Variants in SRP72 observed in about 807,000 individuals in gnomAD.
SRP72 encodes signal recognition particle subunit SRP72.
A neutral mutation model predicts 96.3 loss-of-function variants in SRP72; 49 were observed. The ratio of observed to expected loss-of-function variants is 0.51; its 90% CI spans 0.40 to 0.65. The LOEUF is 0.65. SRP72 is among the 30% of genes least tolerant of loss of function. The pLI is 0.00. For missense variants in SRP72, 736 were observed against 793.3 expected (o/e 0.93, Z 0.87); for synonymous variants, 267 against 275.2 (o/e 0.97, Z 0.30).
At position 56,472,245 on chromosome 4, in the gene SRP72, G is replaced by C. The variant is rs570327137; in HGVS notation, c.354+402G>C. Among the ~76,000 whole-genome samples the C allele has an allele frequency of 1.3e-4, 20 of 151,870 alleles. 2 individuals carry two copies. The South Asian group carries it at 4.2e-3, about 32-fold the overall frequency. ...CATGAAATTGTGAAAATATTTTAAA[G>C]TATTTTGAGACATAAAATTAACCCT... On this transcript the variant is annotated intron_variant, in intron 3 of 18. Coordinates refer to ENST00000642900, the MANE Select transcript of SRP72 (RefSeq NM_006947.4).
chr4:56,473,947 A>G, intron 3 of SRP72, 107 bp from the exon 4 acceptor site: 1 of 1,064,156 alleles, frequency 9.4e-7, no homozygotes, highest in Non-Finnish European at 1.3e-6. Flanking sequence ...TGTTCATGTT[A>G]TGCTGAACTA....
At chr4:56,475,410 A>ATATATG (rs1442484355) in intron 5 of SRP72, among the ~76,000 whole-genome samples, 1 of 151,504 alleles carries the variant, frequency 6.6e-6, no homozygotes, top group African/African-American at 2.4e-5. Context: ...AAAAATATAT[A>ATATATG]TGTGGCCGAG....
intron 9 of SRP72, among the ~76,000 whole-genome samples, chr4:56,483,634 A>G (rs1442150075): frequency 1.3e-5 from 2 of 151,572 alleles, no homozygotes; most frequent in South Asian, 2.1e-4. Flanking sequence ...GTGCCACTTC[A>G]CTCCAGCCTG....
intron 2 of SRP72, among the ~76,000 whole-genome samples, chr4:56,470,566 G>T (rs1051141509): frequency 1.3e-4 from 20 of 151,976 alleles, no homozygotes; most frequent in African/African-American, 4.6e-4. Context: ...TTTGTAGGAG[G>T]TAATAGGAAC....
chr4:56,483,549 C>T (rs145675090), intron 9 of SRP72, among the ~76,000 whole-genome samples: 59 of 152,024 alleles, frequency 3.9e-4, no homozygotes, highest in African/African-American at 1.4e-3. Flanking sequence ...CCTGTCTCTA[C>T]ATGGTGGTGT....
At chr4:56,496,568 A>G (rs996934551) in intron 17 of SRP72, among the ~76,000 whole-genome samples, 3 of 152,080 alleles carry the variant, frequency 2.0e-5, no homozygotes, top group African/African-American at 4.8e-5. Flanking sequence ...TTTCTTTTCT[A>G]TTTTTATAGT....
Position 56,469,742 on chromosome 4 carries a change from GTCA to G in SRP72, c.203_205del (p.Ile68del). On this transcript the variant is annotated inframe_deletion, in exon 2 of 19. Coordinates refer to ENST00000642900, the MANE Select transcript of SRP72 (RefSeq NM_006947.4). ...TGGAAGTTTCAAGGAAGCTTTGAAT[GTCA>G]TCAATACTCACACCAAAGTGTTAGC... is the stretch of plus-strand genomic sequence containing the variant. 1 of 1,612,584 alleles carries G rather than the reference GTCA, an allele frequency of 6.2e-7. No individual in the cohort carries two copies. The highest frequency in any genetic ancestry group is 8.5e-7 in the Non-Finnish European group (1 of 1,178,918).
chr4:56,474,561 T>C, intron 5 of SRP72, 170 bp downstream of exon 5: 1 of 651,762 alleles, frequency 1.5e-6, no homozygotes, highest in Non-Finnish European at 2.6e-6. Flanking sequence ...TTTTATGGAG[T>C]GGGACAGAAT....
chr4:56,473,970 A>T, intron 3 of SRP72, 84 bp from the exon 4 acceptor site: 1 of 1,372,026 alleles, frequency 7.3e-7, no homozygotes, highest in Non-Finnish European at 9.9e-7. Context: ...ATTCCTACTT[A>T]GTGGTTCCAA....
intron 9 of SRP72, 90 bp downstream of exon 9, chr4:56,483,360 TTTTG>T (rs1337081347): frequency 1.4e-5 from 19 of 1,337,800 alleles, no homozygotes; most frequent in Non-Finnish European, 1.9e-5. Context: ...TTTTTATAGT[TTTTG>T]TTTGTATTTT....
chr4:56,475,326 G>A (rs1360155080), intron 5 of SRP72, among the ~76,000 whole-genome samples: 1 of 152,124 alleles, frequency 6.6e-6, no homozygotes, highest in Admixed American at 6.5e-5. Context: ...GGGAGGCCAA[G>A]GCAGGAGGAT....
chr4:56,495,287 A>G (rs1404124390), intron 16 of SRP72, 70 bp from the exon 17 acceptor site: 1 of 1,074,082 alleles, frequency 9.3e-7, no homozygotes, highest in East Asian at 2.6e-5. Flanking sequence ...TAACTCTTAT[A>G]GAGCACTTAC....
At chr4:56,472,060 C>G (rs1361377378) in intron 3 of SRP72, among the ~76,000 whole-genome samples, 1 of 152,034 alleles carries the variant, frequency 6.6e-6, no homozygotes, top group African/African-American at 2.4e-5. Flanking sequence ...CTCAGGTAAT[C>G]AGAAAATCAA....
chr4:56,496,795 C>G (rs1721083969), intron 17 of SRP72, among the ~76,000 whole-genome samples: 1 of 152,166 alleles, frequency 6.6e-6, no homozygotes, highest in African/African-American at 2.4e-5. Context: ...CGAGACCAGC[C>G]TGGCCAACCT....
chr4:56,491,981 C>T (rs959780139), intron 16 of SRP72, among the ~76,000 whole-genome samples: 1 of 152,150 alleles, frequency 6.6e-6, no homozygotes, highest in African/African-American at 2.4e-5. Context: ...CCTCAGCCTC[C>T]CGAGTAGCTG....
At chr4:56,470,246 G>T (rs973427194) in intron 2 of SRP72, among the ~76,000 whole-genome samples, 2 of 152,154 alleles carry the variant, frequency 1.3e-5, no homozygotes, top group South Asian at 4.1e-4. Context: ...ATATGCATTT[G>T]CCTGTATTTG....
At position 56,500,584 on chromosome 4, in the gene SRP72, G is replaced by A; in HGVS notation, c.1727G>A (p.Arg576Lys). The A allele has an allele frequency of 6.2e-7, 1 of 1,613,942 alleles. No individual in the cohort carries two copies. The highest frequency in any genetic ancestry group is 8.5e-7 in the Non-Finnish European group (1 of 1,179,910). ...YDPKVTPDPE[R>K]WLPMRERSYY... is the part of the protein sequence containing the mutation. ...CCAAAAGTTACCCCAGATCCAGAAA[G>A]ATGGCTGCCAATGCGAGAACGTTCT... Residue 576 changes from arginine to lysine, a missense_variant, in exon 18 of 19, where the codon AGA (arginine) becomes AAA (lysine). By Grantham distance (26) the Arg-to-Lys change is conservative. Around this residue, in one of 3 missense-constraint regions of SRP72, gnomAD observed 388 missense variants for 431.8 expected, o/e 0.90. Transcript: ENST00000642900.
At position 56,476,687 on chromosome 4, in the gene SRP72, A is replaced by G. The variant is rs1272342777; in HGVS notation, c.627A>G (p.Ser209=). ...LQKAEDLCRR[S]LSEDTDGTEE... Reference sequence around the variant, plus strand: ...CTCCTGTAGATCTTTGCCGCCGTTCATTATCAGAAGACACTGTAAGTATTC... The same window carrying G: ...CTCCTGTAGATCTTTGCCGCCGTTCGTTATCAGAAGACACTGTAAGTATTC... The change falls in exon 6 of 19, where the codon TCA becomes TCG. Residue 209 remains serine, a synonymous_variant. Coordinates refer to ENST00000642900, the MANE Select transcript of SRP72 (RefSeq NM_006947.4). 1.1e-5 allele frequency: 17 copies of G among 1,612,740 alleles called. No individual in the cohort carries two copies. The highest frequency in any genetic ancestry group is 2.2e-5 in the East Asian group (1 of 44,790).
intron 11 of SRP72, among the ~76,000 whole-genome samples, chr4:56,487,307 C>T (rs1720748104): frequency 6.6e-6 from 1 of 152,144 alleles, no homozygotes; most frequent in South Asian, 2.1e-4. Context: ...AGACACACTG[C>T]TGATCTCCCT....
Sources: gnomAD v4.1 joint callset for allele counts (sites outside exome capture counted in the v4.1 genomes callset) on GRCh38, gnomAD v4.1.1 for gene constraint, gnomAD v4.1.1 regional missense constraint, MANE v1.5 for transcripts, NCBI Gene and HGNC (gene_info 2026-07-23, HGNC 2026-07-21) for gene names.